Variants in TAF3 observed in about 807,000 individuals in gnomAD.
TAF3 encodes the protein TATA-box binding protein associated factor 3.
TAF3 carries 7 observed loss-of-function variants against 80.6 expected under a neutral mutation model. The observed-to-expected ratio is 0.09, with a 90% confidence interval of 0.05 to 0.16. The LOEUF is 0.16. Among genes scored for constraint, TAF3 ranks in the 10% least tolerant of loss-of-function variants. The pLI is 1.00. For synonymous variants in TAF3, 444 were observed against 446.1 expected (o/e 1.00, Z 0.06); for missense variants, 921 against 1,140.2 (o/e 0.81, Z 2.77).
chr10:7,886,368 CTT>C (rs941253886), intron 2 of TAF3, among the ~76,000 whole-genome samples: 4 of 152,164 alleles, frequency 2.6e-5, no homozygotes, highest in Non-Finnish European at 4.4e-5. Context: ...TCTTCATTTT[CTT>C]TCTTTCTCTC....
At chr10:7,988,228 C>T (rs1290043207) in intron 4 of TAF3, among the ~76,000 whole-genome samples, 5 of 151,988 alleles carry the variant, frequency 3.3e-5, no homozygotes, top group Non-Finnish European at 5.9e-5. Context: ...GCGGGAGGAT[C>T]GCTTGAGGCT....
chr10:7,972,820 T>G (rs955695950), intron 3 of TAF3, among the ~76,000 whole-genome samples: 6 of 152,148 alleles, frequency 3.9e-5, no homozygotes, highest in African/African-American at 1.4e-4. Flanking sequence ...GGGGCCAAGG[T>G]TAATGTCAGT....
In TAF3 at chr10:7,964,344, T is replaced by C; in HGVS notation, c.834T>C (p.Ser278=). The change falls in exon 3 of 7, where the codon TCT becomes TCC. Residue 278 remains serine, a synonymous_variant. Coordinates refer to ENST00000344293, the MANE Select transcript of TAF3 (RefSeq NM_031923.4). The surrounding 1 kb of genome is among the most constrained non-coding windows in gnomAD (Gnocchi z 4.1). ...FTPKTKTKTS[S]PGQKTKSPKT... ...CTAAAACAAAGACTAAAACTAGCTC[T>C]CCAGGACAGAAGACTAAATCACCTA... is the stretch of plus-strand genomic sequence containing the variant. 6.2e-7 allele frequency: 1 copy of C among 1,614,074 alleles called. No individual in the cohort carries two copies. The highest frequency in any genetic ancestry group is 8.5e-7 in the Non-Finnish European group (1 of 1,180,014).
chr10:7,957,176 A>G (rs1351941822), intron 2 of TAF3, among the ~76,000 whole-genome samples: 1 of 152,204 alleles, frequency 6.6e-6, no homozygotes, highest in African/African-American at 2.4e-5. Context: ...TAGGGACATG[A>G]GCATTAATAC....
chr10:7,978,421 A>AGG (rs761774089), intron 4 of TAF3, among the ~76,000 whole-genome samples: 135 of 152,354 alleles, frequency 8.9e-4, no homozygotes, highest in Non-Finnish European at 6.2e-4. Context: ...TTGGTTTTCC[A>AGG]GGGGAGTGTA....
Position 7,965,047 on chromosome 10 carries a change from A to G in TAF3, c.1537A>G (p.Thr513Ala), listed in dbSNP as rs1366409621. Residue 513 changes from threonine to alanine, a missense_variant, in exon 3 of 7, where the codon ACC becomes GCC. Around this residue, in one of 6 missense-constraint regions of TAF3, gnomAD observed 743 missense variants for 821.0 expected, o/e 0.90. Coordinates refer to ENST00000344293, the MANE Select transcript of TAF3 (RefSeq NM_031923.4). ...EPLHKVYEEK[T>A]KLPSSVEVKK... ...TCTCCACAAGGTGTATGAGGAGAAA[A>G]CCAAGCTGCCTTCCTCCGTGGAGGT... 1.9e-6 allele frequency: 3 copies of G among 1,613,934 alleles called. No homozygotes were observed. In the Admixed American group the frequency reaches 5.0e-5, roughly 27 times the overall value.
intron 4 of TAF3, among the ~76,000 whole-genome samples, chr10:8,006,844 A>G (rs1046569750): frequency 6.6e-6 from 1 of 152,250 alleles, no homozygotes; most frequent in Non-Finnish European, 1.5e-5. Context: ...CGGGGCCGGC[A>G]GTTCCCATCT....
chr10:7,935,600 A>G (rs1196319154), intron 2 of TAF3, among the ~76,000 whole-genome samples: 1 of 152,050 alleles, frequency 6.6e-6, no homozygotes, highest in Non-Finnish European at 1.5e-5. Context: ...ATAAATAAAT[A>G]AAGCAAGCAA....
chr10:7,957,159 A>G (rs1232534673), intron 2 of TAF3, among the ~76,000 whole-genome samples: 2 of 152,176 alleles, frequency 1.3e-5, no homozygotes, highest in South Asian at 2.1e-4. Flanking sequence ...AATCCTTACT[A>G]TGCCTTTAGG....
At chr10:7,953,548 C>T (rs949535959) in intron 2 of TAF3, among the ~76,000 whole-genome samples, 2 of 152,176 alleles carry the variant, frequency 1.3e-5, no homozygotes, top group African/African-American at 2.4e-5. Context: ...CTCTGTGAAC[C>T]GATCCCAGGT....
At chr10:7,863,554 G>A (rs1225026390) in intron 2 of TAF3, among the ~76,000 whole-genome samples, 7 of 141,988 alleles carry the variant, frequency 4.9e-5, no homozygotes, top group African/African-American at 8.0e-5. Flanking sequence ...AGGTTGCAGC[G>A]AGCTGAGATC....
chr10:8,011,680 A>G (rs1451144159), intron 5 of TAF3, among the ~76,000 whole-genome samples: 2 of 152,254 alleles, frequency 1.3e-5, no homozygotes, highest in Admixed American at 1.3e-4. Context: ...AATTAGAGGC[A>G]ACATCACCCC....
intron 2 of TAF3, among the ~76,000 whole-genome samples, chr10:7,874,086 G>A (rs1837293081): frequency 6.6e-6 from 1 of 152,168 alleles, no homozygotes; most frequent in Non-Finnish European, 1.5e-5. Flanking sequence ...TTATTGCCAA[G>A]CTCTTAATGA....
chr10:7,927,315 C>T (rs1436451244), intron 2 of TAF3, among the ~76,000 whole-genome samples: 2 of 152,160 alleles, frequency 1.3e-5, no homozygotes, highest in African/African-American at 4.8e-5. Context: ...TCACATTGAC[C>T]TTTTTCTACG....
intron 2 of TAF3, among the ~76,000 whole-genome samples, chr10:7,927,466 T>C (rs533910485): frequency 3.3e-5 from 5 of 152,368 alleles, no homozygotes; most frequent in African/African-American, 7.2e-5. Flanking sequence ...GCTCTGCCTC[T>C]CTTTTGTTCC....
At chr10:7,978,217 A>G (rs943947959) in intron 4 of TAF3, among the ~76,000 whole-genome samples, 27 of 152,326 alleles carry the variant, frequency 1.8e-4, no homozygotes, top group African/African-American at 6.3e-4. Flanking sequence ...TTTACATTCA[A>G]TTTTTAGCCA....
chr10:8,003,569 T>C (rs1221154761), intron 4 of TAF3, among the ~76,000 whole-genome samples: 3 of 152,240 alleles, frequency 2.0e-5, no homozygotes, highest in Non-Finnish European at 4.4e-5. Context: ...TAACAGAATA[T>C]GAATGTCTGT....
At chr10:7,854,395 C>T (rs998527195) in intron 2 of TAF3, among the ~76,000 whole-genome samples, 5 of 152,124 alleles carry the variant, frequency 3.3e-5, no homozygotes, top group Non-Finnish European at 4.4e-5. Context: ...CACTGTTATG[C>T]GAGCCGCAGC....
intron 2 of TAF3, among the ~76,000 whole-genome samples, chr10:7,838,260 A>G (rs1836871978): frequency 6.6e-6 from 1 of 151,972 alleles, no homozygotes; most frequent in Non-Finnish European, 1.5e-5. Flanking sequence ...TGAGTGAGAT[A>G]TTCCTCTCTC....
Sources: gnomAD v4.1 joint callset for allele counts (sites outside exome capture counted in the v4.1 genomes callset) on GRCh38, gnomAD v4.1.1 for gene constraint, gnomAD v4.1.1 regional missense constraint, Gnocchi (gnomAD v3.1) non-coding constraint, MANE v1.5 for transcripts, NCBI Gene and HGNC (gene_info 2026-07-23, HGNC 2026-07-21) for gene names.